TCTN1: variants seen among roughly 807,000 people sequenced by gnomAD.
TCTN1 encodes tectonic family member 1.
A neutral mutation model predicts 65.8 loss-of-function variants in TCTN1; 58 were observed. The ratio of observed to expected loss-of-function variants is 0.88; its 90% confidence interval spans 0.71 to 1.10. The LOEUF (loss-of-function observed/expected upper bound fraction) is 1.10, where lower values mean the gene tolerates loss of function less well. TCTN1 is among the 50% of genes least tolerant of loss of function. The pLI is 0.00. For missense variants in TCTN1, 645 were observed against 719.4 expected (o/e 0.90, Z 1.18); for synonymous variants, 273 against 289.1 (o/e 0.94, Z 0.57).
chr12:110,623,724 A>T (rs1412436113), intron 2 of TCTN1, among the ~76,000 whole-genome samples: 14 of 151,184 alleles, frequency 9.3e-5, no homozygotes, highest in Non-Finnish European at 1.5e-4. Flanking sequence ...AAGTAGTTAG[A>T]ACTATAAGCA....
At position 110,632,443 on chromosome 12, in the gene TCTN1, A is replaced by G. The variant is rs1042632342; in HGVS notation, c.625-29A>G. On this transcript the variant is annotated intron_variant, in intron 4 of 14. Transcript: ENST00000397659. Reference sequence around the variant, plus strand: ...GTTGAATGAATACTTTAATTACACCATAACGACTGTTGGTTGTTGTGTTTG... The same window carrying G: ...GTTGAATGAATACTTTAATTACACCGTAACGACTGTTGGTTGTTGTGTTTG... The G allele has an allele frequency of 1.9e-6, 3 of 1,612,152 alleles. No homozygotes were observed. In the Admixed American group the frequency reaches 5.0e-5, roughly 27 times the overall value.
chr12:110,628,821 A>G lies in TCTN1; in HGVS notation c.527A>G (p.Asp176Gly), dbSNP rs771704189. 1.5e-5 allele frequency: 24 copies of G among 1,612,776 alleles called. No homozygotes were observed. Among genetic ancestry groups the G allele is most frequent in the Non-Finnish European group, 2.0e-5 (23 of 1,179,234 alleles). ...NPEVPDENNF[D>G]TLMKTSDGFT... is the part of the protein sequence containing the mutation. ...GAAGTACCTGATGAAAACAATTTTG[A>G]TACATTGATGAAAACATCTGATGGT... is the stretch of plus-strand genomic sequence containing the variant. The change falls in exon 4 of 15, where the codon GAT (aspartate) becomes GGT (glycine). Residue 176 changes from aspartate (D) to glycine (G), a missense_variant. Physicochemically the swap from Asp to Gly is moderately conservative, Grantham distance 94. Coordinates refer to ENST00000397659, the MANE Select transcript of TCTN1 (RefSeq NM_001082538.3).
chr12:110,632,649 A>T (rs753777109), intron 5 of TCTN1, 90 bp downstream of exon 5: 48 of 1,352,982 alleles, frequency 3.5e-5, no homozygotes, highest in Non-Finnish European at 5.0e-5. Context: ...CATTAAAAGT[A>T]ATGACCAAAA....
At chr12:110,627,237 A>G (rs1215230232) in intron 3 of TCTN1, among the ~76,000 whole-genome samples, 2 of 151,236 alleles carry the variant, frequency 1.3e-5, no homozygotes, top group African/African-American at 4.9e-5. Context: ...AGCTGAGATT[A>G]CAGGTACCTG....
rs761291270 is a variant in TCTN1 at position 110,619,876 on chromosome 12, T to C, written c.261T>C (p.Cys87=). 1.9e-6 allele frequency: 3 copies of C among 1,614,078 alleles called. No individual in the cohort carries two copies. The highest frequency in any genetic ancestry group is 2.7e-5 in the African/African-American group (2 of 74,948). The change falls in exon 2 of 15, where the codon TGT becomes TGC. Residue 87 remains cysteine (C), a synonymous_variant. Coordinates refer to ENST00000397659, the MANE Select transcript of TCTN1 (RefSeq NM_001082538.3). ...LCVCDLSPAQ[C]DINCCCDPDC... ...TCTGTGACTTATCCCCAGCACAGTGTGACATCAACTGCTGCTGTGATCCCG... is the reference window on the plus strand; with the variant it reads ...TCTGTGACTTATCCCCAGCACAGTGCGACATCAACTGCTGCTGTGATCCCG...
chr12:110,645,598 C>T (rs753953803), intron 12 of TCTN1: 3 of 217,422 alleles, frequency 1.4e-5, no homozygotes, highest in Admixed American at 5.2e-5. Flanking sequence ...GCTCTCCCAC[C>T]CATTGTCCCC....
intron 12 of TCTN1, 147 bp downstream of exon 12, chr12:110,645,276 C>A: frequency 9.4e-7 from 1 of 1,063,248 alleles, no homozygotes; most frequent in Non-Finnish European, 1.4e-6. Context: ...ATTTTTGCCC[C>A]TTGTTAGCAA....
Position 110,628,757 on chromosome 12 carries a change from T to TA in TCTN1, c.473-4dup, listed in dbSNP as rs10577377. 14 of 1,586,558 alleles carry TA rather than the reference T, an allele frequency of 8.8e-6. No homozygotes were observed. Among genetic ancestry groups the TA allele is most frequent in the Admixed American group, 3.3e-5 (2 of 59,794 alleles). ...TACCGATTTAAAATACTGTTTTTTT[T>TA]AAAAAACAGATAAACCTGCATTATC... On this transcript the variant is annotated splice_polypyrimidine_tract_variant and intron_variant, in intron 3 of 14. Transcript: ENST00000397659.
intron 4 of TCTN1, among the ~76,000 whole-genome samples, chr12:110,631,985 C>T (rs1252627384): frequency 6.6e-6 from 1 of 152,028 alleles, no homozygotes; most frequent in Non-Finnish European, 1.5e-5. Context: ...TGGCTATAAG[C>T]CTAATAGCTA....
rs1017282717 is a variant in TCTN1, at chr12:110,639,768, C to T, written c.844-615C>T. ...GTTGTGCAACCATCACCACTAATTC[C>T]GGAACATTTCCATCACCCCAAAAAG... On this transcript the variant is annotated intron_variant, in intron 7 of 14. Transcript: ENST00000397659. This position sits in a 1 kb window ranked among gnomAD's most constrained non-coding sequence, Gnocchi z 4.9. Among the ~76,000 whole-genome samples, 11 of 152,150 alleles carry T rather than the reference C, an allele frequency of 7.2e-5. No individual in the cohort carries two copies. The highest frequency in any genetic ancestry group is 1.3e-4 in the Non-Finnish European group (9 of 68,034).
At position 110,640,958 on chromosome 12, in the gene TCTN1, C is replaced by T; in HGVS notation, c.979-66C>T. On this transcript the variant is annotated intron_variant, in intron 8 of 14. Transcript: ENST00000397659. The surrounding 1 kb of genome is among the most constrained non-coding windows in gnomAD (Gnocchi z 4.9). ...AAGATTTGCTATCTATGGGTGTTTTCAGTTATTCATACAGCTTCTGAAATG... is the reference window on the plus strand; with the variant it reads ...AAGATTTGCTATCTATGGGTGTTTTTAGTTATTCATACAGCTTCTGAAATG... The T allele has an allele frequency of 6.2e-7, 1 of 1,608,300 alleles. No homozygotes were observed. The highest frequency in any genetic ancestry group is 2.2e-5 in the East Asian group (1 of 44,842).
At chr12:110,632,396 A>G (rs2066292779) in intron 4 of TCTN1, 76 bp from the exon 5 acceptor site, 3 of 1,485,126 alleles carry the variant, frequency 2.0e-6, no homozygotes, top group South Asian at 2.3e-5. Flanking sequence ...GCTGCTTGGC[A>G]CATTGTGGGT....
intron 2 of TCTN1, among the ~76,000 whole-genome samples, chr12:110,624,825 G>A (rs947807401): frequency 4.6e-5 from 7 of 151,194 alleles, no homozygotes; most frequent in Non-Finnish European, 1.0e-4. Context: ...GAGGTGATCC[G>A]CTCACCTCGG....
intron 14 of TCTN1, among the ~76,000 whole-genome samples, chr12:110,648,453 G>T (rs2067540900): frequency 6.6e-6 from 1 of 152,168 alleles, no homozygotes; most frequent in Non-Finnish European, 1.5e-5. Flanking sequence ...TAAAGAACAT[G>T]AACAGGACTT....
Position 110,649,144 on chromosome 12 carries a change from T to C in TCTN1, c.*103T>C, listed in dbSNP as rs1234656563. On this transcript the variant is annotated 3_prime_UTR_variant, in exon 15 of 15. Coordinates refer to ENST00000397659, the MANE Select transcript of TCTN1 (RefSeq NM_001082538.3). Reference sequence around the variant, plus strand: ...TACAACTAGCAATTGTCCAGCTTTGTTGCTCATTTTCAATTAAGGCTAAAG... The same window carrying C: ...TACAACTAGCAATTGTCCAGCTTTGCTGCTCATTTTCAATTAAGGCTAAAG... 1 of 676,066 alleles carries C rather than the reference T, an allele frequency of 1.5e-6. No homozygotes were observed. Among genetic ancestry groups the C allele is most frequent in the East Asian group, 2.8e-5 (1 of 35,854 alleles). The allele number at this position is 676,066 out of a possible 1,614,324, so 41.9% of individuals were successfully genotyped here.
chr12:110,632,701 G>A (rs1396319239), intron 5 of TCTN1, 142 bp downstream of exon 5: 2 of 814,508 alleles, frequency 2.5e-6, no homozygotes, highest in Non-Finnish European at 4.1e-6. Flanking sequence ...TACATTTGTA[G>A]TAGTCATCAT....
At chr12:110,633,999 G>A (rs2066396111) in intron 5 of TCTN1, among the ~76,000 whole-genome samples, 1 of 152,086 alleles carries the variant, frequency 6.6e-6, no homozygotes. Flanking sequence ...ATAGGGAACT[G>A]GTATAATAAT....
At chr12:110,626,640 C>T (rs2065863092) in intron 3 of TCTN1, 148 bp downstream of exon 3, 11 of 795,792 alleles carry the variant, frequency 1.4e-5, no homozygotes, top group African/African-American at 3.5e-5. Flanking sequence ...CGTGCAGTGG[C>T]GCAATCTCGG....
In TCTN1 at chr12:110,632,202, C is replaced by T. The variant is rs148366479; in HGVS notation, c.625-270C>T. On this transcript the variant is annotated intron_variant, in intron 4 of 14. Transcript: ENST00000397659. The stretch of plus-strand genomic sequence containing the variant: ...CTAGTTCCTGTCTGCAGAGGCAGAT[C>T]GTTATGTCATTGTCTCATGTACCCT... Among the ~76,000 whole-genome samples, 208 of 152,320 alleles carry T rather than the reference C, an allele frequency of 1.4e-3. 1 individual carries two copies. The highest frequency in any genetic ancestry group is 6.8e-3 in the Middle Eastern group (2 of 294).
Sources: gnomAD v4.1 joint callset for allele counts (sites outside exome capture counted in the v4.1 genomes callset) on GRCh38, gnomAD v4.1.1 for gene constraint, Gnocchi (gnomAD v3.1) non-coding constraint, MANE v1.5 for transcripts, NCBI Gene and HGNC (gene_info 2026-07-23, HGNC 2026-07-21) for gene names.